The following KIF13A variants were observed in gnomAD, a reference collection of about 807,000 sequenced individuals.
KIF13A encodes the protein kinesin-like protein KIF13A.
Under a neutral mutation model 212.2 loss-of-function variants are expected in KIF13A, and 79 were observed. That is an observed-to-expected ratio of 0.37 (90% confidence interval 0.31 to 0.45). The LOEUF (loss-of-function observed/expected upper bound fraction) is 0.45. Ranked by LOEUF, KIF13A falls within the 20% of genes least tolerant of loss-of-function variation. The pLI, the probability that KIF13A is intolerant of heterozygous loss-of-function variation, is 1.00. For synonymous variants in KIF13A, 789 were observed against 808.6 expected, an observed-to-expected ratio of 0.98 and a Z score of 0.41; for missense variants, 1,901 against 2,209.0, an observed-to-expected ratio of 0.86 and a Z score of 2.79.
chr6:17,822,014 A>C, intron 16 of KIF13A: 1 of 1,173,830 alleles, frequency 8.5e-7, no homozygotes, highest in Non-Finnish European at 1.2e-6. Flanking sequence ...GGAACTGGGT[A>C]AAGGATGGGG....
In KIF13A at chr6:17,817,087, C is replaced by T. The variant is rs371481890; in HGVS notation, c.1933G>A (p.Gly645Ser). Residue 645 changes from glycine (G) to serine (S), a missense_variant, in exon 17 of 39, where the codon GGC (glycine) becomes AGC (serine). Coordinates refer to ENST00000259711, the MANE Select transcript of KIF13A (RefSeq NM_022113.6). ...CTGCTGTAGGCCAGGCGGTCAGGGC[C>T]GCTACTCTGTGGCTGCCTGTCGGGG... ...LSPDRQPQSS[G>S]PDRLAYSSQT... 2.1e-5 allele frequency: 34 copies of T among 1,613,716 alleles called. No homozygotes were observed. Among genetic ancestry groups the T allele is most frequent in the African/African-American group, 2.7e-5 (2 of 74,920 alleles).
intron 35 of KIF13A, 123 bp downstream of exon 35, chr6:17,774,892 T>C: frequency 3.1e-6 from 2 of 643,748 alleles, no homozygotes; most frequent in South Asian, 2.4e-5. Flanking sequence ...ATTTTTCTTT[T>C]TCTTTTTTTT....
rs1761025907 is a variant in KIF13A, at chr6:17,786,004, A to G, written c.3362-363T>C. 6.6e-6 allele frequency among the ~76,000 whole-genome samples: 1 copy of G among 152,196 alleles called. No individual in the cohort carries two copies. The highest frequency in any genetic ancestry group is 2.1e-4 in the South Asian group (1 of 4,834). Reference sequence around the variant, plus strand: ...ACCATCCACTATGTCCCTAAAATGGATTTGAGTCTTTGAAGTTCAAGCAAG... The same window carrying G: ...ACCATCCACTATGTCCCTAAAATGGGTTTGAGTCTTTGAAGTTCAAGCAAG... On this transcript the variant is annotated intron_variant, in intron 27 of 38. Transcript: ENST00000259711. The surrounding 1 kb of genome is among the most constrained non-coding windows in gnomAD (Gnocchi z 5.4).
At chr6:17,981,872 G>C (rs535835891) in intron 2 of KIF13A, among the ~76,000 whole-genome samples, 39 of 152,230 alleles carry the variant, frequency 2.6e-4, no homozygotes, top group Middle Eastern at 6.8e-3. Context: ...TTCTAATTAT[G>C]TATGACTTTC....
chr6:17,784,472 G>A (rs773321828), intron 28 of KIF13A, among the ~76,000 whole-genome samples: 11 of 152,026 alleles, frequency 7.2e-5, no homozygotes, highest in South Asian at 4.1e-4. Flanking sequence ...CATCAGAACC[G>A]CCTCAGAGGC....
rs1049822319 is a variant in KIF13A, at chr6:17,919,420, G to T, written c.147-21240C>A. Among the ~76,000 whole-genome samples, 17 of 152,280 alleles carry T rather than the reference G, an allele frequency of 1.1e-4. No homozygotes were observed. The highest frequency in any genetic ancestry group is 3.3e-4 in the Admixed American group (5 of 15,302). ...CCAACATGGATTCATATTCAACTTA[G>T]GGAAACAAACTAGCAGATTATAAAT... On this transcript the variant is annotated intron_variant, in intron 2 of 38. Coordinates refer to ENST00000259711, the MANE Select transcript of KIF13A (RefSeq NM_022113.6). This position sits in a 1 kb window ranked among gnomAD's most constrained non-coding sequence, Gnocchi z 4.1.
At chr6:17,793,441 G>A (rs1761767127) in intron 25 of KIF13A, among the ~76,000 whole-genome samples, 1 of 151,904 alleles carries the variant, frequency 6.6e-6, no homozygotes, top group Non-Finnish European at 1.5e-5. Flanking sequence ...CTGATAATAC[G>A]ATCAATTCTT....
intron 18 of KIF13A, among the ~76,000 whole-genome samples, chr6:17,807,008 C>A (rs538357903): frequency 6.6e-6 from 1 of 152,308 alleles, no homozygotes; most frequent in African/African-American, 2.4e-5. Context: ...TTTATAATTT[C>A]TTATGCCTGT....
chr6:17,777,746 G>T lies in KIF13A; in HGVS notation c.4093-392C>A, dbSNP rs114265658. Among the ~76,000 whole-genome samples, 4,146 of 152,152 alleles carry T rather than the reference G, an allele frequency of 0.027. 82 individuals are homozygous for T. Among genetic ancestry groups the T allele is most frequent in the Middle Eastern group, 0.044 (13 of 294 alleles). ...ATGTTTATTTATAGATTTAAATATA[G>T]ACTGCATCAGTTCTACATACATACA... On this transcript the variant is annotated intron_variant, in intron 33 of 38. Transcript: ENST00000259711. The surrounding 1 kb of genome is among the most constrained non-coding windows in gnomAD (Gnocchi z 4.4).
At chr6:17,881,109 T>A (rs1471138802) in intron 3 of KIF13A, among the ~76,000 whole-genome samples, 1 of 152,202 alleles carries the variant, frequency 6.6e-6, no homozygotes, top group Non-Finnish European at 1.5e-5. Context: ...TTCACTGTTT[T>A]CAACAAAATT....
intron 29 of KIF13A, among the ~76,000 whole-genome samples, chr6:17,782,905 A>G (rs1279805455): frequency 6.6e-6 from 1 of 152,182 alleles, no homozygotes; most frequent in South Asian, 2.1e-4. Context: ...TATACCTCCT[A>G]TGACAGGGAA....
chr6:17,985,374 G>A (rs1781454272), intron 2 of KIF13A, among the ~76,000 whole-genome samples: 1 of 152,096 alleles, frequency 6.6e-6, no homozygotes, highest in Non-Finnish European at 1.5e-5. Context: ...GGAACCAACT[G>A]TCCACAGTTA....
Position 17,799,358 on chromosome 6 carries a change from C to G in KIF13A, c.2698G>C (p.Glu900Gln). 6.2e-7 allele frequency: 1 copy of G among 1,612,686 alleles called. No individual in the cohort carries two copies. The highest frequency in any genetic ancestry group is 1.1e-5 in the South Asian group (1 of 90,744). Residue 900 changes from glutamate to glutamine, a missense_variant, in exon 22 of 39, where the codon GAG (glutamate) becomes CAG (glutamine). Glu to Gln is a conservative substitution (Grantham distance 29). Around this residue, in one of 5 missense-constraint regions of KIF13A, gnomAD observed 534 missense variants for 536.9 expected, o/e 0.99. Coordinates refer to ENST00000259711, the MANE Select transcript of KIF13A (RefSeq NM_022113.6). This position sits in a 1 kb window ranked among gnomAD's most constrained non-coding sequence, Gnocchi z 4.4. ...FCQYTFWDQC[E>Q]STVAAPVVDP... ...ACCACCGGGGCAGCCACCGTAGACT[C>G]ACACTGGTCCCAGAATGTGTATTGA... is the stretch of plus-strand genomic sequence containing the variant.
chr6:17,986,848 C>A (rs1025754559), intron 2 of KIF13A, among the ~76,000 whole-genome samples: 1 of 152,202 alleles, frequency 6.6e-6, no homozygotes, highest in Non-Finnish European at 1.5e-5. Flanking sequence ...GGCCAGGGTG[C>A]CCTGCCTGCC....
intron 16 of KIF13A, among the ~76,000 whole-genome samples, chr6:17,823,580 G>A (rs1220872594): frequency 6.6e-6 from 1 of 151,792 alleles, no homozygotes; most frequent in Non-Finnish European, 1.5e-5. Context: ...TGATTCTCGT[G>A]CTCCGGCCTC....
At chr6:17,824,289 G>A (rs1764739860) in intron 16 of KIF13A, among the ~76,000 whole-genome samples, 1 of 152,098 alleles carries the variant, frequency 6.6e-6, no homozygotes. Context: ...AAGGCCAAAA[G>A]CTTTAATCCT....
rs1760941985 is a variant in KIF13A, at chr6:17,785,175, A to G, written c.3488+340T>C. On this transcript the variant is annotated intron_variant, in intron 28 of 38. Transcript: ENST00000259711. The surrounding 1 kb of genome is among the most constrained non-coding windows in gnomAD (Gnocchi z 5.8). The stretch of plus-strand genomic sequence containing the variant: ...ACAATACTACCAAAAAAATAGCTCC[A>G]CTAATATATTTTCTGTCCTATTCAA... 1.3e-5 allele frequency among the ~76,000 whole-genome samples: 2 copies of G among 152,174 alleles called. No individual in the cohort carries two copies. The highest frequency in any genetic ancestry group is 4.2e-4 in the South Asian group (2 of 4,814).
chr6:17,782,411 G>C (rs1396950883), intron 29 of KIF13A, among the ~76,000 whole-genome samples: 2 of 151,888 alleles, frequency 1.3e-5, no homozygotes, highest in Middle Eastern at 3.2e-3. Flanking sequence ...GCCGAGCTGG[G>C]TGGATCACGA....
chr6:17,912,361 C>T lies in KIF13A; in HGVS notation c.147-14181G>A. 6.6e-6 allele frequency among the ~76,000 whole-genome samples: 1 copy of T among 152,214 alleles called. No individual in the cohort carries two copies. The highest frequency in any genetic ancestry group is 2.4e-5 in the African/African-American group (1 of 41,536). ...AAATTTCCCCTTCTGGGAAAGAAAC[C>T]CAGGTTCAGTTCTATCACCCAAACT... On this transcript the variant is annotated intron_variant, in intron 2 of 38. Transcript: ENST00000259711. This position sits in a 1 kb window ranked among gnomAD's most constrained non-coding sequence, Gnocchi z 4.2.
Sources: allele counts gnomAD v4.1 joint callset (sites outside exome capture counted in the v4.1 genomes callset), GRCh38; gene constraint gnomAD v4.1.1; regional missense constraint gnomAD v4.1.1; non-coding constraint Gnocchi (gnomAD v3.1); transcripts MANE v1.5; gene names NCBI Gene and HGNC (gene_info 2026-07-23, HGNC 2026-07-21).